The following CRPPA variants were observed in gnomAD, a reference collection of about 807,000 sequenced individuals.
CRPPA encodes CDP-L-ribitol pyrophosphorylase A.
CRPPA carries 43 observed loss-of-function variants against 52.0 expected under a neutral mutation model. The ratio of observed to expected loss-of-function variants is 0.83; its 90% CI spans 0.65 to 1.07. CRPPA has a LOEUF of 1.07. CRPPA is among the 50% of genes least tolerant of loss of function. The pLI, the probability that CRPPA is intolerant of heterozygous loss-of-function variation, is 0.00. For synonymous variants in CRPPA, 250 were observed against 203.5 expected, an observed-to-expected ratio of 1.23 and a Z score of -1.94; for missense variants, 629 against 551.7, an observed-to-expected ratio of 1.14 and a Z score of -1.40.
At position 16,406,351 on chromosome 7, in the gene CRPPA, A is replaced by G. The variant is rs1397928717; in HGVS notation, c.258-14T>C. On this transcript the variant is annotated splice_polypyrimidine_tract_variant and intron_variant, in intron 1 of 9. Coordinates refer to ENST00000407010, the MANE Select transcript of CRPPA (RefSeq NM_001101426.4). Reference sequence around the variant, plus strand: ...ATCCAACATACTCTAAAAGGAAAGTATATGTACAATTCGTAAATTAATTCT... The same window carrying G: ...ATCCAACATACTCTAAAAGGAAAGTGTATGTACAATTCGTAAATTAATTCT... The G allele has an allele frequency of 2.5e-6, 4 of 1,599,022 alleles. No homozygotes were observed. Among genetic ancestry groups the G allele is most frequent in the Non-Finnish European group, 3.4e-6 (4 of 1,168,414 alleles).
intron 9 of CRPPA, among the ~76,000 whole-genome samples, chr7:16,141,406 G>T (rs1782867753): frequency 6.6e-6 from 1 of 151,922 alleles, no homozygotes; most frequent in Non-Finnish European, 1.5e-5. Context: ...TGTAATTTAT[G>T]CAAATAAACT....
chr7:16,258,595 TTA>T, intron 7 of CRPPA, 113 bp from the exon 8 acceptor site: 1 of 648,786 alleles, frequency 1.5e-6, no homozygotes, highest in Non-Finnish European at 2.5e-6. Context: ...TTTATCAAAC[TTA>T]GTTTTTAATT....
chr7:16,280,935 G>A (rs1256194854), intron 5 of CRPPA, among the ~76,000 whole-genome samples: 3 of 152,042 alleles, frequency 2.0e-5, no homozygotes, highest in Non-Finnish European at 2.9e-5. Context: ...CAGGAGAATC[G>A]CTTGAACTCG....
chr7:16,380,785 T>A (rs919966741), intron 2 of CRPPA, among the ~76,000 whole-genome samples: 3 of 152,244 alleles, frequency 2.0e-5, no homozygotes, highest in Non-Finnish European at 2.9e-5. Flanking sequence ...CCTAGAGGTG[T>A]TTGAGGTATT....
intron 4 of CRPPA, among the ~76,000 whole-genome samples, chr7:16,303,867 T>A (rs1001590956): frequency 1.3e-5 from 2 of 152,136 alleles, no homozygotes; most frequent in African/African-American, 4.8e-5. Context: ...ACAAAAGGAA[T>A]CCTCAAAAGT....
chr7:16,124,425 C>T (rs1021492859), intron 9 of CRPPA, among the ~76,000 whole-genome samples: 1 of 152,104 alleles, frequency 6.6e-6, no homozygotes, highest in South Asian at 2.1e-4. Context: ...AATTCTGTCA[C>T]TTGTGGATAA....
chr7:16,123,620 G>T (rs1302820989), intron 9 of CRPPA, among the ~76,000 whole-genome samples: 2 of 152,158 alleles, frequency 1.3e-5, no homozygotes, highest in African/African-American at 4.8e-5. Context: ...TAAACTCTAA[G>T]ATATGGGTTG....
At chr7:16,116,789 G>A (rs1350478064) in intron 9 of CRPPA, among the ~76,000 whole-genome samples, 2 of 152,060 alleles carry the variant, frequency 1.3e-5, no homozygotes, top group Non-Finnish European at 2.9e-5. Flanking sequence ...ATGTGTTCCC[G>A]GATTGAATCC....
intron 2 of CRPPA, among the ~76,000 whole-genome samples, chr7:16,402,227 G>C (rs148789668): frequency 1.3e-5 from 2 of 152,202 alleles, no homozygotes; most frequent in African/African-American, 4.8e-5. Context: ...TCCCTGAGAA[G>C]TTACAACAGT....
At chr7:16,382,704 T>A (rs550069657) in intron 2 of CRPPA, among the ~76,000 whole-genome samples, 2,088 of 152,122 alleles carry the variant, frequency 0.014, 56 homozygotes, top group African/African-American at 0.047. Context: ...TTTATTCTTT[T>A]TTCTCTAAAC....
At chr7:16,178,396 C>T (rs1276696828) in intron 9 of CRPPA, among the ~76,000 whole-genome samples, 2 of 152,018 alleles carry the variant, frequency 1.3e-5, no homozygotes, top group Non-Finnish European at 2.9e-5. Context: ...GTCCATAATG[C>T]TTCAGAATTT....
chr7:16,357,868 A>T (rs966676396), intron 3 of CRPPA, among the ~76,000 whole-genome samples: 1 of 152,178 alleles, frequency 6.6e-6, no homozygotes, highest in Non-Finnish European at 1.5e-5. Context: ...GGGAAGTTTC[A>T]TGGCTTGAGG....
intron 2 of CRPPA, among the ~76,000 whole-genome samples, chr7:16,398,410 A>T (rs1787679120): frequency 6.6e-6 from 1 of 151,958 alleles, no homozygotes. Context: ...GACCAACATA[A>T]GTGATTCACA....
intron 3 of CRPPA, among the ~76,000 whole-genome samples, chr7:16,366,767 A>C (rs191819361): frequency 6.8e-6 from 1 of 146,176 alleles, no homozygotes; most frequent in African/African-American, 2.5e-5. Context: ...TGAGAGAATT[A>C]AAAAAAAAAA....
At chr7:16,164,535 AG>A (rs1197695169) in intron 9 of CRPPA, among the ~76,000 whole-genome samples, 2 of 152,116 alleles carry the variant, frequency 1.3e-5, no homozygotes, top group Non-Finnish European at 1.5e-5. Context: ...TTCTCCGTCC[AG>A]TTTTGTTCCC....
At chr7:16,323,285 TG>T (rs1325099298) in intron 3 of CRPPA, among the ~76,000 whole-genome samples, 1 of 152,192 alleles carries the variant, frequency 6.6e-6, no homozygotes, top group African/African-American at 2.4e-5. Context: ...TCTATACACT[TG>T]CCCTTATCTA....
intron 3 of CRPPA, among the ~76,000 whole-genome samples, chr7:16,309,052 C>T (rs1368866750): frequency 1.3e-5 from 2 of 152,032 alleles, no homozygotes. Flanking sequence ...TATATCAGGA[C>T]ATTTGCAGGT....
intron 9 of CRPPA, among the ~76,000 whole-genome samples, chr7:16,092,403 T>C (rs1421123115): frequency 6.6e-6 from 1 of 152,318 alleles, no homozygotes; most frequent in African/African-American, 2.4e-5. Flanking sequence ...GGTCTCTGTG[T>C]TGTGAATTGT....
chr7:16,397,731 T>C (rs771239111), intron 2 of CRPPA, among the ~76,000 whole-genome samples: 12 of 152,092 alleles, frequency 7.9e-5, no homozygotes, highest in Non-Finnish European at 1.2e-4. Context: ...GTTTGAGACA[T>C]GTGACTGACG....
Sources: gnomAD v4.1 joint callset for allele counts (sites outside exome capture counted in the v4.1 genomes callset) on GRCh38, gnomAD v4.1.1 for gene constraint, MANE v1.5 for transcripts, NCBI Gene and HGNC (gene_info 2026-07-23, HGNC 2026-07-21) for gene names.